FER: variants seen among roughly 807,000 people sequenced by gnomAD.
The protein encoded by FER is tyrosine-protein kinase Fer.
A neutral mutation model predicts 111.0 loss-of-function variants in FER; 63 were observed. The observed-to-expected ratio is 0.57, with a 90% confidence interval of 0.46 to 0.70. The LOEUF (loss-of-function observed/expected upper bound fraction) is 0.70, where lower values mean the gene tolerates loss of function less well. Ranked by LOEUF, FER falls within the 30% of genes least tolerant of loss-of-function variation. FER has a pLI of 0.00. For missense variants in FER, 914 were observed against 954.0 expected, an observed-to-expected ratio of 0.96 and a Z score of 0.55; for synonymous variants, 327 against 313.9, an observed-to-expected ratio of 1.04 and a Z score of -0.44.
In FER at chr5:109,075,548, T is replaced by C. The variant is rs561804571; in HGVS notation, c.1925-24848T>C. ...ACACCATTCTCCTGCCTCAGCCTCC[T>C]GAGTAGCTGGGACTACAGGTGCCTG... is the stretch of plus-strand genomic sequence containing the variant. On this transcript the variant is annotated intron_variant, in intron 16 of 19. Transcript: ENST00000281092. 2.0e-5 allele frequency among the ~76,000 whole-genome samples: 3 copies of C among 151,654 alleles called. No homozygotes were observed. In the South Asian group the frequency reaches 6.3e-4, roughly 32 times the overall value.
intron 5 of FER, among the ~76,000 whole-genome samples, chr5:108,855,188 G>A (rs1286194015): frequency 6.6e-6 from 1 of 152,026 alleles, no homozygotes; most frequent in African/African-American, 2.4e-5. Flanking sequence ...GAGGTCTGGA[G>A]TAGAACTATA....
At chr5:109,025,119 A>G (rs1374913286) in intron 13 of FER, among the ~76,000 whole-genome samples, 1 of 152,030 alleles carries the variant, frequency 6.6e-6, no homozygotes, top group Non-Finnish European at 1.5e-5. Context: ...TTTTGGTTCC[A>G]TATGAACTTT....
At chr5:108,802,048 T>TA (rs1317948656) in intron 3 of FER, among the ~76,000 whole-genome samples, 3 of 152,278 alleles carry the variant, frequency 2.0e-5, no homozygotes, top group Non-Finnish European at 4.4e-5. Flanking sequence ...CCTTAAAACT[T>TA]ACGAATTGTT....
chr5:109,157,921 T>C (rs1755576408), intron 17 of FER, among the ~76,000 whole-genome samples: 1 of 152,098 alleles, frequency 6.6e-6, no homozygotes, highest in African/African-American at 2.4e-5. Flanking sequence ...ATGATTACTA[T>C]TCAGTGAGAT....
chr5:108,853,907 A>G (rs1453065035), intron 5 of FER, among the ~76,000 whole-genome samples: 2 of 152,178 alleles, frequency 1.3e-5, no homozygotes, highest in Non-Finnish European at 2.9e-5. Flanking sequence ...GAAATGAGAG[A>G]GGAAGGGCAG....
At chr5:108,919,607 C>G (rs1752766603) in intron 10 of FER, among the ~76,000 whole-genome samples, 1 of 152,100 alleles carries the variant, frequency 6.6e-6, no homozygotes, top group African/African-American at 2.4e-5. Context: ...AGATATATAA[C>G]ATACTTTATT....
intron 16 of FER, among the ~76,000 whole-genome samples, chr5:109,061,592 C>T (rs1214860877): frequency 6.6e-6 from 1 of 152,058 alleles, no homozygotes; most frequent in African/African-American, 2.4e-5. Context: ...AATGAAAATT[C>T]AAGCAAAATG....
chr5:109,153,620 G>GTTATCAACAT (rs1491542841), intron 17 of FER, among the ~76,000 whole-genome samples: 13 of 151,966 alleles, frequency 8.6e-5, no homozygotes, highest in Non-Finnish European at 1.2e-4. Context: ...TAACACAGTA[G>GTTATCAACAT]TTATCAACAT....
chr5:108,918,099 C>G (rs572845068), intron 10 of FER, among the ~76,000 whole-genome samples: 4 of 152,060 alleles, frequency 2.6e-5, no homozygotes, highest in Non-Finnish European at 1.5e-5. Flanking sequence ...AGTTACTACC[C>G]TAGAGCTACT....
chr5:109,167,872 G>T (rs1470450227), intron 17 of FER, among the ~76,000 whole-genome samples: 1 of 152,082 alleles, frequency 6.6e-6, no homozygotes, highest in African/African-American at 2.4e-5. Context: ...AGGTAGAAAA[G>T]TTTCAGTATG....
At chr5:108,984,625 CTTAATA>C (rs1762370963) in intron 13 of FER, among the ~76,000 whole-genome samples, 1 of 151,466 alleles carries the variant, frequency 6.6e-6, no homozygotes, top group Non-Finnish European at 1.5e-5. Context: ...TAATACAGTA[CTTAATA>C]TTTATTGAGT....
intron 3 of FER, among the ~76,000 whole-genome samples, chr5:108,802,632 T>G (rs1290452457): frequency 6.6e-6 from 1 of 152,128 alleles, no homozygotes; most frequent in Non-Finnish European, 1.5e-5. Context: ...GTTCCTGTGT[T>G]AATTTGCTTA....
intron 10 of FER, among the ~76,000 whole-genome samples, chr5:108,915,235 G>A (rs943395838): frequency 2.6e-5 from 4 of 152,194 alleles, no homozygotes; most frequent in African/African-American, 9.7e-5. Flanking sequence ...CACTTTGGGA[G>A]GCTGAGGCAG....
At chr5:108,886,688 T>A (rs751366686) in intron 9 of FER, among the ~76,000 whole-genome samples, 1 of 151,686 alleles carries the variant, frequency 6.6e-6, no homozygotes, top group Non-Finnish European at 1.5e-5. Context: ...CTTTAGAGAA[T>A]AAGTTAGCAG....
At chr5:108,985,613 A>G (rs1762484368) in intron 13 of FER, among the ~76,000 whole-genome samples, 1 of 152,110 alleles carries the variant, frequency 6.6e-6, no homozygotes, top group Admixed American at 6.5e-5. Context: ...ACGAGTCCCC[A>G]AAGTCCATTG....
At chr5:108,821,742 A>T (rs1758866500) in intron 3 of FER, among the ~76,000 whole-genome samples, 1 of 151,744 alleles carries the variant, frequency 6.6e-6, no homozygotes, top group Non-Finnish European at 1.5e-5. Flanking sequence ...AAGAAAAATT[A>T]TATGTATTTA....
At chr5:108,816,854 C>T (rs538888450) in intron 3 of FER, among the ~76,000 whole-genome samples, 1 of 152,092 alleles carries the variant, frequency 6.6e-6, no homozygotes, top group East Asian at 1.9e-4. Context: ...TGTAATCCAG[C>T]ACTCTGGGAG....
At chr5:109,051,527 T>G in intron 16 of FER, 1 of 1,597,326 alleles carries the variant, frequency 6.3e-7, no homozygotes, top group African/African-American at 1.5e-5. Flanking sequence ...GCACTGTAAT[T>G]AGCCCAGTTT....
rs149736231 is a variant in FER at position 109,123,094 on chromosome 5, C to G, written c.2048+22575C>G. 1.6e-3 allele frequency among the ~76,000 whole-genome samples: 240 copies of G among 151,112 alleles called. 1 individual carries two copies. Among genetic ancestry groups the G allele is most frequent in the African/African-American group, 5.0e-3 (205 of 41,266 alleles). On this transcript the variant is annotated intron_variant, in intron 17 of 19. Transcript: ENST00000281092. ...TGTTATTGTTAAGTAAGGACTTACT[C>G]CTGCCATTTTGTTATTTTCTGGTTG... is the stretch of plus-strand genomic sequence containing the variant.
Sources: gnomAD v4.1 joint callset for allele counts (sites outside exome capture counted in the v4.1 genomes callset) on GRCh38, gnomAD v4.1.1 for gene constraint, MANE v1.5 for transcripts, NCBI Gene and HGNC (gene_info 2026-07-23, HGNC 2026-07-21) for gene names.